The following HEMK2 variants were observed in gnomAD, a reference collection of about 807,000 sequenced individuals.
HEMK2 encodes the protein methyltransferase HEMK2.
the HEMK2 span, among the ~76,000 whole-genome samples, chr21:28,710,888 A>G: frequency 6.6e-6 from 1 of 152,168 alleles, no homozygotes; most frequent in Non-Finnish European, 1.5e-5. Context: ...CAGGCTTTCC[A>G]TTACATTGTT....
the HEMK2 span, among the ~76,000 whole-genome samples, chr21:28,649,708 G>A: frequency 2.0e-5 from 3 of 152,092 alleles, no homozygotes; most frequent in Admixed American, 2.0e-4. Context: ...AGTCTACAAA[G>A]GGAAGGAACT....
the HEMK2 span, among the ~76,000 whole-genome samples, chr21:28,730,296 G>A: frequency 0.36 from 54,628 of 151,444 alleles, 11,315 homozygotes; most frequent in African/African-American, 0.56. Context: ...TAGCAGGATC[G>A]CTTGAGCCTG....
the HEMK2 span, among the ~76,000 whole-genome samples, chr21:28,804,333 A>G: frequency 6.6e-6 from 1 of 152,216 alleles, no homozygotes; most frequent in East Asian, 1.9e-4. Context: ...AAAAAATGCA[A>G]AACAAGACTT....
At chr21:28,606,050 A>C in the HEMK2 span, among the ~76,000 whole-genome samples, 54 of 152,346 alleles carry the variant, frequency 3.5e-4, no homozygotes, top group Non-Finnish European at 1.0e-4. Flanking sequence ...TTGCAGGATA[A>C]TAAAAAGAGA....
At chr21:28,575,622 G>C in the HEMK2 span, among the ~76,000 whole-genome samples, 1 of 152,042 alleles carries the variant, frequency 6.6e-6, no homozygotes, top group Non-Finnish European at 1.5e-5. Flanking sequence ...CTTTTTAATT[G>C]AGGTATTATT....
At chr21:28,737,189 A>G in the HEMK2 span, among the ~76,000 whole-genome samples, 12 of 152,158 alleles carry the variant, frequency 7.9e-5, no homozygotes, top group African/African-American at 2.9e-4. Flanking sequence ...CAGTGGTACA[A>G]TCTCAGCTCA....
At chr21:28,860,585 TC>T in the HEMK2 span, among the ~76,000 whole-genome samples, 1 of 152,044 alleles carries the variant, frequency 6.6e-6, no homozygotes, top group Non-Finnish European at 1.5e-5. Context: ...AAGGATTCTA[TC>T]TCCTGGCTTC....
At chr21:28,736,511 T>G in the HEMK2 span, among the ~76,000 whole-genome samples, 2 of 152,096 alleles carry the variant, frequency 1.3e-5, no homozygotes, top group Non-Finnish European at 2.9e-5. Context: ...ATCCCAACAC[T>G]TTGGGAGGCC....
At chr21:28,608,555 T>C in the HEMK2 span, among the ~76,000 whole-genome samples, 7,848 of 152,220 alleles carry the variant, frequency 0.052, 407 homozygotes, top group African/African-American at 0.13. Flanking sequence ...AGAGAATCCA[T>C]AGACCCTTTG....
At chr21:28,820,240 A>G in the HEMK2 span, among the ~76,000 whole-genome samples, 1 of 152,164 alleles carries the variant, frequency 6.6e-6, no homozygotes, top group African/African-American at 2.4e-5. Flanking sequence ...CCATAAAGAG[A>G]GGAATTGTTT....
the HEMK2 span, among the ~76,000 whole-genome samples, chr21:28,815,705 T>A: frequency 6.6e-6 from 1 of 151,868 alleles, no homozygotes; most frequent in African/African-American, 2.4e-5. Flanking sequence ...AAAACAAAAA[T>A]GAAAATTACC....
At chr21:28,868,903 T>C in the HEMK2 span, among the ~76,000 whole-genome samples, 1 of 152,212 alleles carries the variant, frequency 6.6e-6, no homozygotes, top group Admixed American at 6.5e-5. Context: ...GTTTTTTAAA[T>C]ATTTTCTTGG....
the HEMK2 span, among the ~76,000 whole-genome samples, chr21:28,767,424 T>A: frequency 6.8e-6 from 1 of 146,392 alleles, no homozygotes; most frequent in African/African-American, 2.5e-5. Context: ...GCATGAGATT[T>A]AAAAAAAAAA....
the HEMK2 span, among the ~76,000 whole-genome samples, chr21:28,813,694 T>C: frequency 6.6e-6 from 1 of 152,094 alleles, no homozygotes; most frequent in Non-Finnish European, 1.5e-5. Context: ...AAGGCTACAT[T>C]AACCAAAACA....
At chr21:28,595,852 T>C in the HEMK2 span, among the ~76,000 whole-genome samples, 1 of 152,212 alleles carries the variant, frequency 6.6e-6, no homozygotes, top group East Asian at 1.9e-4. Context: ...TGGCGCGATC[T>C]TGGCTCACTG....
chr21:28,752,219 A>C, the HEMK2 span, among the ~76,000 whole-genome samples: 1 of 152,340 alleles, frequency 6.6e-6, no homozygotes, highest in Admixed American at 6.5e-5. Context: ...CCAATCTTAC[A>C]GAGCTAAACA....
the HEMK2 span, chr21:28,882,296 A>G: frequency 7.0e-7 from 1 of 1,435,296 alleles, no homozygotes; most frequent in Non-Finnish European, 9.8e-7. Context: ...TCCATAAGGC[A>G]AATCTGTTAC....
At chr21:28,882,335 T>C in the HEMK2 span, 1 of 1,024,712 alleles carries the variant, frequency 9.8e-7, no homozygotes. Context: ...GTTCCATTAA[T>C]TCTACACAGA....
At chr21:28,714,587 G>C in the HEMK2 span, among the ~76,000 whole-genome samples, 1 of 152,204 alleles carries the variant, frequency 6.6e-6, no homozygotes, top group Non-Finnish European at 1.5e-5. Flanking sequence ...TGGTTAATGA[G>C]TGTCTACTGT....
Sources: allele counts gnomAD v4.1 joint callset (sites outside exome capture counted in the v4.1 genomes callset), GRCh38; gene constraint gnomAD v4.1.1; transcripts MANE v1.5; gene names NCBI Gene and HGNC (gene_info 2026-07-23, HGNC 2026-07-21).